The following ADK variants were observed in gnomAD, a reference collection of about 807,000 sequenced individuals.
ADK encodes adenosine kinase.
ADK carries 24 observed loss-of-function variants against 44.7 expected under a neutral mutation model. That is an observed-to-expected ratio of 0.54 (90% CI 0.39 to 0.76). ADK has a LOEUF of 0.76. Ranked by LOEUF, ADK falls within the 30% of genes least tolerant of loss-of-function variation. The probability of loss-of-function intolerance (pLI) is 0.00; values close to 1 mark genes in which losing one functional copy is unlikely to be tolerated. For synonymous variants in ADK, 128 were observed against 142.6 expected, an observed-to-expected ratio of 0.90 and a Z score of 0.73; for missense variants, 321 against 425.1, an observed-to-expected ratio of 0.76 and a Z score of 2.15.
chr10:74,692,664 G>C (rs1856036710), intron 10 of ADK, among the ~76,000 whole-genome samples: 1 of 152,060 alleles, frequency 6.6e-6, no homozygotes, highest in African/African-American at 2.4e-5. Flanking sequence ...TATGGCAGTG[G>C]TCTCATAAGA....
chr10:74,171,183 A>T (rs1297590820), intron 1 of ADK, among the ~76,000 whole-genome samples: 4 of 152,214 alleles, frequency 2.6e-5, no homozygotes, highest in Non-Finnish European at 5.9e-5. Flanking sequence ...GGATATAATA[A>T]ATTTTTGCTA....
chr10:74,361,063 A>G (rs1842320545), intron 4 of ADK, among the ~76,000 whole-genome samples: 1 of 152,014 alleles, frequency 6.6e-6, no homozygotes, highest in Non-Finnish European at 1.5e-5. Flanking sequence ...GTGCACCACC[A>G]TGCCTGGCTA....
intron 9 of ADK, among the ~76,000 whole-genome samples, chr10:74,616,861 CTATT>C (rs1852779139): frequency 6.6e-6 from 1 of 152,038 alleles, no homozygotes; most frequent in Non-Finnish European, 1.5e-5. Flanking sequence ...ATATTTTCCT[CTATT>C]TATGCAGTCT....
At chr10:74,475,571 A>G (rs977292039) in intron 6 of ADK, among the ~76,000 whole-genome samples, 5 of 151,792 alleles carry the variant, frequency 3.3e-5, no homozygotes, top group Non-Finnish European at 7.4e-5. Flanking sequence ...AGCCAGGCAT[A>G]GTGACATGTG....
chr10:74,518,973 A>C (rs767244773), intron 6 of ADK, among the ~76,000 whole-genome samples: 1 of 151,990 alleles, frequency 6.6e-6, no homozygotes, highest in Non-Finnish European at 1.5e-5. Context: ...TAATATCTTT[A>C]AAATATTCTC....
chr10:74,229,546 C>T (rs1259050558), intron 3 of ADK, among the ~76,000 whole-genome samples: 5 of 151,858 alleles, frequency 3.3e-5, no homozygotes, highest in African/African-American at 7.3e-5. Context: ...TACAGGCGCC[C>T]ACCACCACGC....
chr10:74,399,673 T>G (rs975345197), intron 6 of ADK, among the ~76,000 whole-genome samples: 1 of 152,042 alleles, frequency 6.6e-6, no homozygotes, highest in Non-Finnish European at 1.5e-5. Context: ...TTTCCATTTT[T>G]CAAATCTTGA....
At chr10:74,608,363 G>A (rs1247106058) in intron 9 of ADK, among the ~76,000 whole-genome samples, 1 of 151,992 alleles carries the variant, frequency 6.6e-6, no homozygotes, top group African/African-American at 2.4e-5. Flanking sequence ...CCTTATCTTC[G>A]TGGATTTATC....
intron 6 of ADK, among the ~76,000 whole-genome samples, chr10:74,504,186 A>C (rs895101754): frequency 1.3e-5 from 2 of 152,122 alleles, no homozygotes; most frequent in African/African-American, 2.4e-5. Flanking sequence ...ATTTTGCTAC[A>C]TTCCTTTTGG....
intron 7 of ADK, among the ~76,000 whole-genome samples, chr10:74,556,329 G>C (rs2133802001): frequency 6.6e-6 from 1 of 152,264 alleles, no homozygotes; most frequent in Non-Finnish European, 1.5e-5. Context: ...TCTACGTAAG[G>C]ACTGCATATA....
chr10:74,587,024 G>T (rs1475356160), intron 7 of ADK, among the ~76,000 whole-genome samples: 1 of 152,048 alleles, frequency 6.6e-6, no homozygotes, highest in East Asian at 1.9e-4. Context: ...TTATGGCTTA[G>T]TGCAATTTTA....
intron 3 of ADK, among the ~76,000 whole-genome samples, chr10:74,299,174 G>A (rs1839915815): frequency 1.3e-5 from 2 of 152,026 alleles, no homozygotes; most frequent in South Asian, 4.1e-4. Context: ...AATCTGTTAA[G>A]ATGTGTTGCT....
At chr10:74,161,400 G>A (rs1220930197) in intron 1 of ADK, among the ~76,000 whole-genome samples, 4 of 152,066 alleles carry the variant, frequency 2.6e-5, no homozygotes, top group Non-Finnish European at 2.9e-5. Context: ...TAGTACAGAC[G>A]GGGTTTCACT....
intron 4 of ADK, among the ~76,000 whole-genome samples, chr10:74,392,129 AAATATATCTTTG>A (rs1843358562): frequency 6.6e-6 from 1 of 152,176 alleles, no homozygotes. Context: ...ATGGACATGC[AAATATATCTTTG>A]AGATCCTGCT....
At chr10:74,179,034 A>G (rs754543294) in intron 1 of ADK, among the ~76,000 whole-genome samples, 11 of 152,240 alleles carry the variant, frequency 7.2e-5, no homozygotes, top group Non-Finnish European at 1.2e-4. Context: ...AGAGACAACT[A>G]TAGTAACTCT....
chr10:74,281,491 C>T (rs1005738718), intron 3 of ADK, among the ~76,000 whole-genome samples: 4 of 152,014 alleles, frequency 2.6e-5, no homozygotes, highest in Admixed American at 1.3e-4. Flanking sequence ...ACTTTGAAAC[C>T]GTTAGGGGAC....
At chr10:74,567,679 C>T (rs1289768843) in intron 7 of ADK, among the ~76,000 whole-genome samples, 1 of 146,340 alleles carries the variant, frequency 6.8e-6, no homozygotes, top group African/African-American at 2.6e-5. Flanking sequence ...CTCTCTCTCT[C>T]TGTTTTTTTT....
intron 6 of ADK, among the ~76,000 whole-genome samples, chr10:74,470,376 T>C (rs1316516616): frequency 1.3e-5 from 2 of 152,074 alleles, no homozygotes; most frequent in Non-Finnish European, 2.9e-5. Context: ...TGCTTCCACT[T>C]CTTTGCTATT....
intron 6 of ADK, among the ~76,000 whole-genome samples, chr10:74,443,640 G>A (rs1050983040): frequency 2.0e-5 from 3 of 152,062 alleles, no homozygotes; most frequent in Non-Finnish European, 2.9e-5. Flanking sequence ...ACACATCTCC[G>A]TCAATATACT....
Sources: gnomAD v4.1 joint callset for allele counts (sites outside exome capture counted in the v4.1 genomes callset) on GRCh38, gnomAD v4.1.1 for gene constraint, MANE v1.5 for transcripts, NCBI Gene and HGNC (gene_info 2026-07-23, HGNC 2026-07-21) for gene names.